Variants in ETV1 observed in about 807,000 individuals in gnomAD.
The protein encoded by ETV1 is ETS translocation variant 1.
Under a neutral mutation model 62.3 loss-of-function variants are expected in ETV1, and 27 were observed. The observed-to-expected ratio is 0.43, with a 90% CI of 0.32 to 0.60. ETV1 has a LOEUF of 0.60. Ranked by LOEUF, ETV1 falls within the 20% of genes least tolerant of loss-of-function variation. ETV1 has a pLI of 0.06. For synonymous variants in ETV1, 222 were observed against 199.6 expected, an observed-to-expected ratio of 1.11 and a Z score of -0.94; for missense variants, 605 against 605.8, an observed-to-expected ratio of 1.00 and a Z score of 0.01.
At chr7:13,926,409 T>A (rs1414296068) in intron 9 of ETV1, among the ~76,000 whole-genome samples, 2 of 152,194 alleles carry the variant, frequency 1.3e-5, no homozygotes, top group Non-Finnish European at 2.9e-5. Context: ...TAATAAAATA[T>A]ATTGCTATAA....
At chr7:13,929,359 G>T (rs1467177063) in intron 9 of ETV1, among the ~76,000 whole-genome samples, 2 of 152,086 alleles carry the variant, frequency 1.3e-5, no homozygotes, top group African/African-American at 4.8e-5. Flanking sequence ...TTATAAATCG[G>T]CCAAGCAAAC....
intron 6 of ETV1, among the ~76,000 whole-genome samples, chr7:13,970,510 T>G: frequency 6.6e-6 from 1 of 152,168 alleles, no homozygotes; most frequent in East Asian, 1.9e-4. Context: ...TAAATCTTTT[T>G]GAAATTGAAA....
intron 6 of ETV1, among the ~76,000 whole-genome samples, chr7:13,949,744 AAAAT>A (rs1209597677): frequency 4.6e-5 from 7 of 152,244 alleles, no homozygotes; most frequent in African/African-American, 1.7e-4. Context: ...AACTGCTATC[AAAAT>A]GCAAACTGAA....
chr7:13,989,135 T>C lies in ETV1; in HGVS notation c.-83A>G. On this transcript the variant is annotated 5_prime_UTR_variant, in exon 3 of 14. Transcript: ENST00000430479. ...GATTTCCTCAGGATCTGGACTTCTA[T>C]CAACCTAGAGGGGAACAAGATGGCT... 3.2e-6 allele frequency: 4 copies of C among 1,236,056 alleles called. No homozygotes were observed. Among genetic ancestry groups the C allele is most frequent in the South Asian group, 1.3e-5 (1 of 77,298 alleles). 76.6% of individuals were successfully genotyped at this position (1,236,056 alleles called of 1,614,324 possible).
chr7:13,911,981 G>C (rs890798433), intron 9 of ETV1, among the ~76,000 whole-genome samples: 1 of 152,140 alleles, frequency 6.6e-6, no homozygotes, highest in African/African-American at 2.4e-5. Context: ...ATTCCCAGAC[G>C]TAAGGTCCCT....
intron 9 of ETV1, among the ~76,000 whole-genome samples, chr7:13,930,837 G>T (rs1018629500): frequency 6.6e-6 from 1 of 151,452 alleles, no homozygotes; most frequent in South Asian, 2.1e-4. Context: ...GTCTCTCTCT[G>T]TCACCCAGGC....
intron 8 of ETV1, among the ~76,000 whole-genome samples, chr7:13,933,363 G>C (rs1334307218): frequency 6.6e-6 from 1 of 152,322 alleles, no homozygotes; most frequent in South Asian, 2.1e-4. Flanking sequence ...TAAAGAGAAA[G>C]TGATTCAAGA....
At chr7:13,941,692 G>A (rs1274491561) in intron 6 of ETV1, among the ~76,000 whole-genome samples, 2 of 152,032 alleles carry the variant, frequency 1.3e-5, no homozygotes, top group Non-Finnish European at 2.9e-5. Flanking sequence ...TCAACATGGT[G>A]AAACCCCATC....
intron 6 of ETV1, among the ~76,000 whole-genome samples, chr7:13,974,658 C>T (rs561460587): frequency 6.6e-6 from 1 of 152,326 alleles, no homozygotes; most frequent in African/African-American, 2.4e-5. Flanking sequence ...GGATCAACAA[C>T]TTGGTTAGCA....
rs547600802 is a variant in ETV1, at chr7:13,953,893, T to C, written c.236-14647A>G. 2.0e-5 allele frequency among the ~76,000 whole-genome samples: 3 copies of C among 152,330 alleles called. No individual in the cohort carries two copies. The South Asian group carries it at 6.2e-4, about 32-fold the overall frequency. ...AAACAGACGATAGTGGATGAAGATGTAGCATCTCAAGATGGCTTATTCAGA... is the reference window on the plus strand; with the variant it reads ...AAACAGACGATAGTGGATGAAGATGCAGCATCTCAAGATGGCTTATTCAGA... On this transcript the variant is annotated intron_variant, in intron 6 of 13. Coordinates refer to ENST00000430479, the MANE Select transcript of ETV1 (RefSeq NM_004956.5).
chr7:13,988,692 A>G, intron 3 of ETV1: 4 of 1,612,072 alleles, frequency 2.5e-6, no homozygotes, highest in Non-Finnish European at 3.4e-6. Flanking sequence ...CATTCTTTTC[A>G]ATGTGGCAGA....
intron 6 of ETV1, among the ~76,000 whole-genome samples, chr7:13,955,713 A>C (rs1373362702): frequency 6.6e-6 from 1 of 152,218 alleles, no homozygotes; most frequent in Non-Finnish European, 1.5e-5. Context: ...TGGATCAGTG[A>C]ATGCACAGAT....
At chr7:13,986,863 A>T in intron 4 of ETV1, 178 bp from the exon 5 acceptor site, 1 of 565,332 alleles carries the variant, frequency 1.8e-6, no homozygotes, top group Admixed American at 3.6e-5. Context: ...CCTACTTTTC[A>T]TGCCTATTAA....
intron 5 of ETV1, among the ~76,000 whole-genome samples, chr7:13,977,761 T>C (rs367587944): frequency 3.9e-5 from 6 of 152,108 alleles, no homozygotes; most frequent in African/African-American, 9.7e-5. Context: ...ATAAAAGAGA[T>C]GCAAAATAAA....
chr7:13,935,665 A>C (rs1583695792), intron 8 of ETV1, 43 bp downstream of exon 8: 1 of 1,552,942 alleles, frequency 6.4e-7, no homozygotes, highest in African/African-American at 1.4e-5. Context: ...TTTTTCCAAG[A>C]ACGCAAAAAA....
intron 8 of ETV1, among the ~76,000 whole-genome samples, chr7:13,934,696 A>G (rs189210800): frequency 1.6e-4 from 24 of 152,340 alleles, no homozygotes; most frequent in African/African-American, 5.5e-4. Context: ...TTCATTACCA[A>G]TTATACACCT....
At chr7:13,941,027 G>GTA (rs1159867451) in intron 6 of ETV1, among the ~76,000 whole-genome samples, 3 of 152,076 alleles carry the variant, frequency 2.0e-5, no homozygotes, top group Non-Finnish European at 2.9e-5. Flanking sequence ...GTGTGTGTGT[G>GTA]TACATACATG....
intron 6 of ETV1, among the ~76,000 whole-genome samples, chr7:13,968,558 T>A (rs566715604): frequency 8.5e-4 from 128 of 151,312 alleles, no homozygotes; most frequent in Non-Finnish European, 1.4e-3. Flanking sequence ...TCCGTATACT[T>A]ACAGTGAGAA....
rs771795941 is a variant in ETV1 at position 13,909,615 on chromosome 7, C to T, written c.940+17G>A. The T allele has an allele frequency of 1.3e-6, 2 of 1,599,248 alleles. No homozygotes were observed. The highest frequency in any genetic ancestry group is 1.7e-5 in the Admixed American group (1 of 59,244). On this transcript the variant is annotated intron_variant, in intron 11 of 13. Transcript: ENST00000430479. The stretch of plus-strand genomic sequence containing the variant: ...TCTTTAAAAAAATCAGAACTTGAGG[C>T]AAAGTGTAAAACCTACCATCGAATT...
Sources: gnomAD v4.1 joint callset for allele counts (sites outside exome capture counted in the v4.1 genomes callset) on GRCh38, gnomAD v4.1.1 for gene constraint, MANE v1.5 for transcripts, NCBI Gene and HGNC (gene_info 2026-07-23, HGNC 2026-07-21) for gene names.